The following WDR12 variants were observed in gnomAD, a reference collection of about 807,000 sequenced individuals.
The protein encoded by WDR12 is ribosome biogenesis protein WDR12.
A neutral mutation model predicts 64.3 loss-of-function variants in WDR12; 42 were observed. That is an observed-to-expected ratio of 0.65 (90% confidence interval 0.51 to 0.84). The LOEUF (loss-of-function observed/expected upper bound fraction) is 0.84. Ranked by LOEUF, WDR12 falls within the 40% of genes least tolerant of loss-of-function variation. The pLI is 0.00. For synonymous variants in WDR12, 158 were observed against 173.3 expected, an observed-to-expected ratio of 0.91 and a Z score of 0.70; for missense variants, 469 against 494.6, an observed-to-expected ratio of 0.95 and a Z score of 0.49.
In WDR12 at chr2:202,896,167, T is replaced by A. The variant is rs753911120; in HGVS notation, c.507A>T (p.Leu169Phe). 6.2e-7 allele frequency: 1 copy of A among 1,613,972 alleles called. No homozygotes were observed. The highest frequency in any genetic ancestry group is 2.2e-5 in the East Asian group (1 of 44,858). Residue 169 changes from leucine to phenylalanine, a missense_variant, in exon 6 of 13, where the codon TTA becomes TTT. By Grantham distance (22) the Leu-to-Phe change is conservative (BLOSUM62 0). Transcript: ENST00000261015. ...TGTTTCTCTCTACATTCCACTCCCA[T>A]AAGAGAATAGTCTGATCCATAGAAG... The part of the protein sequence containing the change: ...LSASMDQTIL[L>F]WEWNVERNKV...
At chr2:202,880,975 T>TA (rs1687938469) in intron 12 of WDR12, 38 bp from the exon 13 acceptor site, 1 of 1,506,324 alleles carries the variant, frequency 6.6e-7, no homozygotes, top group South Asian at 1.2e-5. Context: ...AAAACATAAA[T>TA]AAATATAATT....
chr2:202,902,257 G>A (rs1688362570), intron 2 of WDR12, among the ~76,000 whole-genome samples: 1 of 152,184 alleles, frequency 6.6e-6, no homozygotes. Flanking sequence ...AACACATTAA[G>A]AAGATCATCA....
At chr2:202,881,020 A>G in intron 12 of WDR12, 83 bp from the exon 13 acceptor site, 1 of 1,199,706 alleles carries the variant, frequency 8.3e-7, no homozygotes, top group Non-Finnish European at 1.1e-6. Context: ...TTAAATACTA[A>G]TGATTTTCAT....
intron 8 of WDR12, among the ~76,000 whole-genome samples, chr2:202,890,596 C>A (rs1203753301): frequency 6.6e-6 from 1 of 151,680 alleles, no homozygotes; most frequent in Non-Finnish European, 1.5e-5. Context: ...GGTGAAACCC[C>A]GTCTCTACAA....
rs1687904183 is a variant in WDR12, at chr2:202,878,865, A to T, written c.*1995T>A. ...ATAATGGAAATAACATTTAAAAAAT[A>T]CATTTACTTTAAATATTTTTATATA... On this transcript the variant is annotated 3_prime_UTR_variant, in exon 13 of 13. Coordinates refer to ENST00000261015, the MANE Select transcript of WDR12 (RefSeq NM_018256.4). 6.6e-6 allele frequency: 1 copy of T among 152,248 alleles called. No individual in the cohort carries two copies. Among genetic ancestry groups the T allele is most frequent in the Non-Finnish European group, 1.5e-5 (1 of 68,048 alleles). 9.4% of individuals were successfully genotyped at this position (152,248 alleles called of 1,614,324 possible).
intron 4 of WDR12, among the ~76,000 whole-genome samples, chr2:202,897,912 T>C (rs1373067820): frequency 8.6e-6 from 1 of 116,768 alleles, no homozygotes; most frequent in African/African-American, 2.9e-5. Context: ...AAAAAAAATA[T>C]ATATATATAT....
intron 1 of WDR12, among the ~76,000 whole-genome samples, chr2:202,910,459 G>A (rs1688559775): frequency 6.6e-6 from 1 of 152,038 alleles, no homozygotes; most frequent in Non-Finnish European, 1.5e-5. Flanking sequence ...GGAGACAGAG[G>A]TTACAGTGAG....
intron 2 of WDR12, among the ~76,000 whole-genome samples, chr2:202,904,138 C>CAAAAAAAAAAAAAAAAAAAAAAAAAAAAA (rs34378996): frequency 2.1e-4 from 8 of 38,536 alleles, no homozygotes; most frequent in African/African-American, 5.8e-4. Flanking sequence ...AACTCTGTCT[C>CAAAAAAAAAAAAAAAAAAAAAAAAAAAAA]AAAAAAAAAA....
At chr2:202,890,527 T>C (rs879626843) in intron 8 of WDR12, among the ~76,000 whole-genome samples, 1 of 152,056 alleles carries the variant, frequency 6.6e-6, no homozygotes, top group Non-Finnish European at 1.5e-5. Flanking sequence ...CCCAGCACTT[T>C]GGGAGGCCGA....
At chr2:202,905,434 C>G (rs999857513) in intron 2 of WDR12, among the ~76,000 whole-genome samples, 1 of 152,212 alleles carries the variant, frequency 6.6e-6, no homozygotes. Context: ...TGGGCCACCA[C>G]GCCAGGCCAA....
intron 3 of WDR12, among the ~76,000 whole-genome samples, chr2:202,899,971 T>G (rs1165857584): frequency 6.6e-6 from 1 of 151,942 alleles, no homozygotes; most frequent in African/African-American, 2.4e-5. Flanking sequence ...TAACAAAAAT[T>G]TTAAAAAGAA....
intron 12 of WDR12, among the ~76,000 whole-genome samples, chr2:202,881,510 G>A (rs1247596283): frequency 2.0e-5 from 3 of 152,182 alleles, no homozygotes; most frequent in Non-Finnish European, 4.4e-5. Flanking sequence ...GCTAGGCACA[G>A]TGGCTCACAC....
chr2:202,892,715 G>T lies in WDR12; in HGVS notation c.656-13C>A. 1.3e-6 allele frequency: 2 copies of T among 1,587,762 alleles called. No individual in the cohort carries two copies. Among genetic ancestry groups the T allele is most frequent in the Non-Finnish European group, 1.7e-6 (2 of 1,158,052 alleles). On this transcript the variant is annotated splice_polypyrimidine_tract_variant and intron_variant, in intron 7 of 12. Transcript: ENST00000261015. Reference sequence around the variant, plus strand: ...TCATCTGTAGGGACTGTGTCATAGAGAATTAGATTTGACATTTTAAAAACA... The same window carrying T: ...TCATCTGTAGGGACTGTGTCATAGATAATTAGATTTGACATTTTAAAAACA...
Position 202,897,715 on chromosome 2 carries a change from C to G in WDR12, c.339-300G>C, listed in dbSNP as rs747724681. Among the ~76,000 whole-genome samples the G allele has an allele frequency of 3.4e-5, 5 of 148,242 alleles. No homozygotes were observed. The South Asian group carries it at 6.6e-4, about 19-fold the overall frequency. ...CCATTCTGGCTAACACAGTGAAACC[C>G]TGTCTCTACTAAAAATACAAAAAAT... On this transcript the variant is annotated intron_variant, in intron 4 of 12. Transcript: ENST00000261015.
intron 3 of WDR12, among the ~76,000 whole-genome samples, chr2:202,900,212 C>A (rs1688324361): frequency 6.6e-6 from 1 of 151,918 alleles, no homozygotes; most frequent in African/African-American, 2.4e-5. Context: ...TGCCTGCAAT[C>A]CCACTACTTT....
intron 11 of WDR12, 70 bp downstream of exon 11, chr2:202,883,539 T>C (rs1294830599): frequency 4.7e-6 from 7 of 1,492,212 alleles, no homozygotes; most frequent in Non-Finnish European, 6.3e-6. Flanking sequence ...AGATAAGAAT[T>C]TCAGTATTCA....
intron 7 of WDR12, among the ~76,000 whole-genome samples, chr2:202,893,546 T>C (rs1229768052): frequency 1.3e-5 from 2 of 152,182 alleles, no homozygotes; most frequent in Non-Finnish European, 2.9e-5. Flanking sequence ...TTTCCCACCA[T>C]CTTACACATA....
intron 12 of WDR12, among the ~76,000 whole-genome samples, chr2:202,881,508 C>G (rs1312638229): frequency 6.6e-6 from 1 of 152,142 alleles, no homozygotes; most frequent in Non-Finnish European, 1.5e-5. Flanking sequence ...GGGCTAGGCA[C>G]AGTGGCTCAC....
intron 1 of WDR12, among the ~76,000 whole-genome samples, chr2:202,910,674 T>A (rs1268576744): frequency 6.6e-6 from 1 of 152,232 alleles, no homozygotes. Flanking sequence ...AGGCAATGTA[T>A]GTAAGTAAGT....
Sources: gnomAD v4.1 joint callset for allele counts (sites outside exome capture counted in the v4.1 genomes callset) on GRCh38, gnomAD v4.1.1 for gene constraint, MANE v1.5 for transcripts, NCBI Gene and HGNC (gene_info 2026-07-23, HGNC 2026-07-21) for gene names.